INIP: variants seen among roughly 807,000 people sequenced by gnomAD.
INIP encodes INTS3 and NABP interacting protein.
Under a neutral mutation model 14.0 loss-of-function variants are expected in INIP, and 9 were observed. The observed-to-expected ratio is 0.64, with a 90% CI of 0.39 to 1.12. The LOEUF (loss-of-function observed/expected upper bound fraction) is 1.12. Among genes scored for constraint, INIP ranks in the 50% most tolerant of loss-of-function variants. The pLI, the probability that INIP is intolerant of heterozygous loss-of-function variation, is 0.01. For synonymous variants in INIP, 37 were observed against 41.5 expected (o/e 0.89, Z 0.41); for missense variants, 78 against 122.7 (o/e 0.64, Z 1.72).
At chr9:112,688,830 G>A (rs1443292660) in intron 4 of INIP, among the ~76,000 whole-genome samples, 2 of 152,094 alleles carry the variant, frequency 1.3e-5, no homozygotes, top group Admixed American at 6.6e-5. Context: ...GTGACAGAGC[G>A]TGAGACCTTG....
At chr9:112,689,733 C>T (rs1448037850) in intron 3 of INIP, 116 bp from the exon 4 acceptor site, 6 of 688,698 alleles carry the variant, frequency 8.7e-6, no homozygotes, top group Non-Finnish European at 1.6e-5. Context: ...ACAAAAACTG[C>T]ATATACTTCC....
chr9:112,691,107 G>GT (rs1481622079), intron 3 of INIP, among the ~76,000 whole-genome samples: 2 of 152,166 alleles, frequency 1.3e-5, no homozygotes, highest in Admixed American at 6.5e-5. Flanking sequence ...TTCAAGAAGC[G>GT]TAAGACCACA....
In INIP at chr9:112,690,744, G is replaced by A. The variant is rs76216187; in HGVS notation, c.129-1127C>T. ...GTACATAATCTGGGCAACCAGACTT[G>A]ATGGGTGTCTACAGGAAGGCTTCTG... On this transcript the variant is annotated intron_variant, in intron 3 of 4. Transcript: ENST00000374242. Among the ~76,000 whole-genome samples the A allele has an allele frequency of 3.1e-3, 477 of 152,344 alleles. 3 individuals are homozygous for A. Among genetic ancestry groups the A allele is most frequent in the African/African-American group, 0.011 (471 of 41,574 alleles).
intron 2 of INIP, among the ~76,000 whole-genome samples, chr9:112,708,858 T>C (rs1838563461): frequency 6.6e-6 from 1 of 151,720 alleles, no homozygotes; most frequent in Admixed American, 6.6e-5. Flanking sequence ...TTTTTTTTTT[T>C]CAAAGACAGG....
In INIP at chr9:112,687,495, C is replaced by T; in HGVS notation, c.*43G>A. 1.7e-6 allele frequency: 2 copies of T among 1,200,230 alleles called. No individual in the cohort carries two copies. Among genetic ancestry groups the T allele is most frequent in the African/African-American group, 1.5e-5 (1 of 66,972 alleles). The allele number at this position is 1,200,230 out of a possible 1,614,324, so 74.3% of individuals were successfully genotyped here. A position where few individuals can be genotyped will look rare whatever the true frequency, so the allele number is the denominator to read the frequency against. On this transcript the variant is annotated 3_prime_UTR_variant, in exon 5 of 5. Coordinates refer to ENST00000374242, the MANE Select transcript of INIP (RefSeq NM_021218.3). The stretch of plus-strand genomic sequence containing the variant: ...TAGCACTGAATGATAGTAGCTTTGG[C>T]ATTTGATATTACAAAGTCACTTTTC...
intron 2 of INIP, among the ~76,000 whole-genome samples, chr9:112,715,687 T>C (rs1294804581): frequency 6.6e-6 from 1 of 151,774 alleles, no homozygotes; most frequent in South Asian, 2.1e-4. Flanking sequence ...GCAGGAGGAT[T>C]GCTTGAACCT....
rs147002098 is a variant in INIP at position 112,694,167 on chromosome 9, A to C, written c.92T>G (p.Met31Arg). ...ELDKEKRKLL[M>R]QNQSSTNHPG... ...ATGATTTGTTGAAGACTGGTTCTGC[A>C]TAAGTAGTTTTCTTTTCTCTTTGTC... The change falls in exon 3 of 5, where the codon ATG (methionine) becomes AGG (arginine). Residue 31 changes from methionine (M) to arginine (R), a missense_variant. Met to Arg is a moderately conservative substitution (Grantham distance 91, BLOSUM62 -1). Transcript: ENST00000374242. 1,151 of 1,611,448 alleles carry C rather than the reference A, an allele frequency of 7.1e-4. 2 individuals carry two copies. Among genetic ancestry groups the C allele is most frequent in the Non-Finnish European group, 8.5e-4 (1,003 of 1,178,784 alleles).
Position 112,689,607 on chromosome 9 carries a change from A to G in INIP, c.139T>C (p.Ser47Pro). ...TNHPGASIALSRPSLNKDFRD... is the reference protein window; with the variant it reads ...TNHPGASIALPRPSLNKDFRD... ...AAGTCCTTATTAAGAGAGGGTCTCGAGAGTGCAATGCTAAAATGGGAATCT... is the reference window on the plus strand; with the variant it reads ...AAGTCCTTATTAAGAGAGGGTCTCGGGAGTGCAATGCTAAAATGGGAATCT... Residue 47 changes from serine to proline, a missense_variant, in exon 4 of 5, where the codon TCG becomes CCG. By Grantham distance (74) the Ser-to-Pro change is moderately conservative. Transcript: ENST00000374242. The G allele has an allele frequency of 6.2e-7, 1 of 1,613,926 alleles. No homozygotes were observed. The highest frequency in any genetic ancestry group is 8.5e-7 in the Non-Finnish European group (1 of 1,179,780).
chr9:112,686,063 G>A lies in INIP; in HGVS notation c.*1475C>T, dbSNP rs1296960361. ...GAAAGTAGAACTTTCACTAAATATT[G>A]ACCCAAACTGGAATTTTCAGTTTTA... On this transcript the variant is annotated 3_prime_UTR_variant, in exon 5 of 5. Transcript: ENST00000374242. 3 of 152,190 alleles carry A rather than the reference G, an allele frequency of 2.0e-5. No individual in the cohort carries two copies. The East Asian group carries it at 5.8e-4, about 29-fold the overall frequency. The allele number at this position is 152,190 out of a possible 1,614,324, so 9.4% of individuals were successfully genotyped here. A position where few individuals can be genotyped will look rare whatever the true frequency, so the allele number is the denominator to read the frequency against.
Position 112,694,228 on chromosome 9 carries a change from G to A in INIP, c.31C>T (p.Gln11Ter). 1 of 1,588,600 alleles carries A rather than the reference G, an allele frequency of 6.3e-7. No homozygotes were observed. Among genetic ancestry groups the A allele is most frequent in the South Asian group, 1.1e-5 (1 of 89,106 alleles). Residue 11 changes from glutamine to a stop codon, truncating the protein, a stop_gained, in exon 3 of 5, where the codon CAA becomes TAA. Coordinates refer to ENST00000374242, the MANE Select transcript of INIP (RefSeq NM_021218.3). LOFTEE classifies it high-confidence loss of function. ...AAGATTGCAACTCTATTTTTGTTTT[G>A]AAAACCTAAAAAAAAGAGGGGAATA... is the stretch of plus-strand genomic sequence containing the variant. MAANSSGQGFQNKNRVAILAE... is the reference protein window; with the variant it reads MAANSSGQGF
At chr9:112,687,945 G>A (rs1057231502) in intron 4 of INIP, among the ~76,000 whole-genome samples, 2 of 152,076 alleles carry the variant, frequency 1.3e-5, no homozygotes, top group Non-Finnish European at 2.9e-5. Context: ...AGTTAGCCAG[G>A]CGTGGTGGCG....
At chr9:112,700,017 T>C (rs546986869) in intron 2 of INIP, among the ~76,000 whole-genome samples, 1 of 152,310 alleles carries the variant, frequency 6.6e-6, no homozygotes, top group East Asian at 1.9e-4. Context: ...TGTAGTTGTT[T>C]TAAAAAATAA....
chr9:112,705,444 G>A (rs1238588084), intron 2 of INIP, among the ~76,000 whole-genome samples: 1 of 151,884 alleles, frequency 6.6e-6, no homozygotes, highest in African/African-American at 2.4e-5. Context: ...CAAGTAGCTG[G>A]GACCACAGGC....
In INIP at chr9:112,694,317, A is replaced by G. The variant is rs74461374; in HGVS notation, c.26-84T>C. 5.1e-3 allele frequency: 4,035 copies of G among 785,292 alleles called. 38 individuals are homozygous for G. The highest frequency in any genetic ancestry group is 0.02 in the Middle Eastern group (72 of 3,588). The allele number at this position is 785,292 out of a possible 1,614,324, so 48.6% of individuals were successfully genotyped here. Reference sequence around the variant, plus strand: ...TAGACCTATTTTTATAACCTAAGTCATCTAGAACCAAGAAAGCAAAACTCC... The same window carrying G: ...TAGACCTATTTTTATAACCTAAGTCGTCTAGAACCAAGAAAGCAAAACTCC... On this transcript the variant is annotated intron_variant, in intron 2 of 4. Coordinates refer to ENST00000374242, the MANE Select transcript of INIP (RefSeq NM_021218.3).
At chr9:112,705,110 C>CAAAAAAAAAAAAAAAAAAAAAAAAAA in intron 2 of INIP, among the ~76,000 whole-genome samples, 1 of 46,038 alleles carries the variant, frequency 2.2e-5, no homozygotes, top group Non-Finnish European at 3.9e-5. Flanking sequence ...GACCCTGTCT[C>CAAAAAAAAAAAAAAAAAAAAAAAAAA]AAAAAAAAAA....
At chr9:112,694,504 G>C (rs1156818337) in intron 2 of INIP, among the ~76,000 whole-genome samples, 1 of 152,182 alleles carries the variant, frequency 6.6e-6, no homozygotes, top group Non-Finnish European at 1.5e-5. Context: ...GGACTTTTAA[G>C]ACTTAGTTCT....
At chr9:112,701,957 G>C (rs1838313200) in intron 2 of INIP, 1 of 152,092 alleles carries the variant, frequency 6.6e-6, no homozygotes, top group South Asian at 2.1e-4. Flanking sequence ...CTACTTGGGA[G>C]GATGAGGCAG....
intron 2 of INIP, among the ~76,000 whole-genome samples, chr9:112,699,145 C>T (rs1014050681): frequency 2.0e-5 from 3 of 151,704 alleles, no homozygotes; most frequent in African/African-American, 4.8e-5. Flanking sequence ...TAGCAAGACC[C>T]TATCTCTTAA....
intron 3 of INIP, among the ~76,000 whole-genome samples, chr9:112,693,028 C>CAAAAAA (rs1223728146): frequency 9.4e-5 from 8 of 85,176 alleles, no homozygotes; most frequent in African/African-American, 1.9e-4. Context: ...GACCCTGTCT[C>CAAAAAA]AAAAAAAAAA....
Sources: allele counts gnomAD v4.1 joint callset (sites outside exome capture counted in the v4.1 genomes callset), GRCh38; gene constraint gnomAD v4.1.1; transcripts MANE v1.5; gene names NCBI Gene and HGNC (gene_info 2026-07-23, HGNC 2026-07-21).